Variants in HCN1 observed in about 807,000 individuals in gnomAD.
HCN1 encodes hyperpolarization activated cyclic nucleotide gated potassium channel 1.
A neutral mutation model predicts 78.9 loss-of-function variants in HCN1; 13 were observed. That is an observed-to-expected ratio of 0.16 (90% CI 0.11 to 0.26). The LOEUF (loss-of-function observed/expected upper bound fraction) is 0.26. Ranked by LOEUF, HCN1 falls within the 10% of genes least tolerant of loss-of-function variation. The probability of loss-of-function intolerance (pLI) is 1.00; values close to 1 mark genes in which losing one functional copy is unlikely to be tolerated. For synonymous variants in HCN1, 552 were observed against 455.5 expected (o/e 1.21, Z -2.70); for missense variants, 810 against 1,154.3 (o/e 0.70, Z 4.32).
At chr5:45,669,842 G>A (rs1243747185) in intron 1 of HCN1, among the ~76,000 whole-genome samples, 1 of 151,706 alleles carries the variant, frequency 6.6e-6, no homozygotes, top group Non-Finnish European at 1.5e-5. Context: ...ATGAAATGGG[G>A]CTGTTAACAA....
chr5:45,423,301 C>A (rs986511715), intron 3 of HCN1, among the ~76,000 whole-genome samples: 1 of 152,174 alleles, frequency 6.6e-6, no homozygotes, highest in African/African-American at 2.4e-5. Context: ...TGGATTACTG[C>A]ATGTGGCTTA....
chr5:45,379,937 A>C (rs1187689429), intron 4 of HCN1, among the ~76,000 whole-genome samples: 2 of 152,046 alleles, frequency 1.3e-5, no homozygotes, highest in Non-Finnish European at 2.9e-5. Flanking sequence ...ATAAAGAGAA[A>C]AAAAGAGAGG....
At chr5:45,318,834 A>G (rs892568320) in intron 5 of HCN1, among the ~76,000 whole-genome samples, 9 of 151,980 alleles carry the variant, frequency 5.9e-5, no homozygotes, top group Admixed American at 2.0e-4. Flanking sequence ...ACAATTTCTC[A>G]GAAGGCTCCT....
chr5:45,556,548 CTAT>C (rs1178706860), intron 2 of HCN1, among the ~76,000 whole-genome samples: 2 of 151,952 alleles, frequency 1.3e-5, no homozygotes, highest in East Asian at 3.9e-4. Flanking sequence ...CATTGTACTA[CTAT>C]AACATTCATC....
At chr5:45,314,587 G>A (rs552077445) in intron 5 of HCN1, among the ~76,000 whole-genome samples, 1 of 152,104 alleles carries the variant, frequency 6.6e-6, no homozygotes, top group Non-Finnish European at 1.5e-5. Flanking sequence ...AAAAAGTCAA[G>A]ACCCATCAGT....
At chr5:45,398,997 T>C (rs1288745713) in intron 3 of HCN1, among the ~76,000 whole-genome samples, 4 of 152,214 alleles carry the variant, frequency 2.6e-5, no homozygotes, top group African/African-American at 9.6e-5. Flanking sequence ...GTTTACTGCC[T>C]GAGTGCCATG....
At chr5:45,678,569 C>T (rs1458714128) in intron 1 of HCN1, among the ~76,000 whole-genome samples, 1 of 151,892 alleles carries the variant, frequency 6.6e-6, no homozygotes, top group Non-Finnish European at 1.5e-5. Flanking sequence ...ATGTGCCTCC[C>T]AATGACTTCA....
chr5:45,294,331 T>G (rs559080515), intron 6 of HCN1, among the ~76,000 whole-genome samples: 67 of 152,146 alleles, frequency 4.4e-4, no homozygotes, highest in African/African-American at 1.6e-3. Context: ...ACATTAACTC[T>G]GTAAAGTATC....
chr5:45,688,510 A>G (rs1236779703), intron 1 of HCN1, among the ~76,000 whole-genome samples: 1 of 152,088 alleles, frequency 6.6e-6, no homozygotes, highest in Non-Finnish European at 1.5e-5. Flanking sequence ...AAGAGCTTTC[A>G]TTGCTTTCAT....
chr5:45,685,861 G>A (rs1454568370), intron 1 of HCN1, among the ~76,000 whole-genome samples: 3 of 152,090 alleles, frequency 2.0e-5, no homozygotes, highest in African/African-American at 7.2e-5. Flanking sequence ...CCATTTACAT[G>A]GCCATTCCTT....
chr5:45,685,954 C>T (rs972424771), intron 1 of HCN1, among the ~76,000 whole-genome samples: 1 of 151,996 alleles, frequency 6.6e-6, no homozygotes, highest in African/African-American at 2.4e-5. Flanking sequence ...AACTAACATG[C>T]CTTAATTCTG....
intron 3 of HCN1, among the ~76,000 whole-genome samples, chr5:45,401,793 T>C (rs1211400533): frequency 6.6e-6 from 1 of 152,018 alleles, no homozygotes; most frequent in Admixed American, 6.6e-5. Context: ...TTATTATATA[T>C]TGTCTCTATA....
chr5:45,490,550 G>A (rs1741860026), intron 2 of HCN1, among the ~76,000 whole-genome samples: 1 of 152,022 alleles, frequency 6.6e-6, no homozygotes, highest in Non-Finnish European at 1.5e-5. Context: ...ACAATTCCCA[G>A]TCAACCCTTA....
intron 7 of HCN1, 36 bp from the exon 8 acceptor site, chr5:45,262,846 T>G (rs946875605): frequency 5.0e-6 from 8 of 1,609,884 alleles, no homozygotes; most frequent in Non-Finnish European, 6.8e-6. Context: ...TTAGAAAGCC[T>G]ACCAATGACT....
At position 45,301,964 on chromosome 5, in the gene HCN1, G is replaced by A. The variant is rs189711337; in HGVS notation, c.1618+1635C>T. 8.4e-4 allele frequency among the ~76,000 whole-genome samples: 128 copies of A among 151,886 alleles called. 1 individual carries two copies. In the East Asian group the frequency reaches 0.012, roughly 15 times the overall value. On this transcript the variant is annotated intron_variant, in intron 6 of 7. Transcript: ENST00000303230. ...GAACATTCCTATAAATTAGATTTAC[G>A]AAGGCAAACAACAGAGTAGAAAAAT...
intron 6 of HCN1, among the ~76,000 whole-genome samples, chr5:45,272,362 A>G (rs897980321): frequency 3.9e-5 from 6 of 152,168 alleles, no homozygotes; most frequent in African/African-American, 1.4e-4. Context: ...TTATGTATGT[A>G]TTAGTTTATC....
At chr5:45,620,043 A>G (rs1157551198) in intron 2 of HCN1, among the ~76,000 whole-genome samples, 1 of 152,132 alleles carries the variant, frequency 6.6e-6, no homozygotes, top group Non-Finnish European at 1.5e-5. Context: ...TACAATGAGA[A>G]GAGCACTTCA....
chr5:45,411,824 A>G (rs12513449), intron 3 of HCN1, among the ~76,000 whole-genome samples: 10,466 of 152,128 alleles, frequency 0.069, 447 homozygotes, highest in East Asian at 0.15. Flanking sequence ...ACTTAATGCC[A>G]ACAGTTCCCA....
At chr5:45,383,766 A>C (rs1168359187) in intron 4 of HCN1, among the ~76,000 whole-genome samples, 1 of 152,088 alleles carries the variant, frequency 6.6e-6, no homozygotes, top group Non-Finnish European at 1.5e-5. Flanking sequence ...TATTAACTTT[A>C]ATTAATCAAA....
Sources: gnomAD v4.1 joint callset for allele counts (sites outside exome capture counted in the v4.1 genomes callset) on GRCh38, gnomAD v4.1.1 for gene constraint, MANE v1.5 for transcripts, NCBI Gene and HGNC (gene_info 2026-07-23, HGNC 2026-07-21) for gene names.